Variants in KCNT1 observed in about 807,000 individuals in gnomAD.
The protein encoded by KCNT1 is potassium sodium-activated channel subfamily T member 1, also known as potassium channel subfamily T member 1.
KCNT1 carries 78 observed loss-of-function variants against 147.8 expected under a neutral mutation model. That is an observed-to-expected ratio of 0.53 (90% CI 0.44 to 0.64). The LOEUF (loss-of-function observed/expected upper bound fraction) is 0.64. KCNT1 is among the 30% of genes least tolerant of loss of function. KCNT1 has a pLI of 0.00. For synonymous variants in KCNT1, 867 were observed against 748.8 expected (o/e 1.16, Z -2.58); for missense variants, 1,419 against 1,750.3 (o/e 0.81, Z 3.38).
At chr9:135,763,950 C>T (rs149211297) in intron 11 of KCNT1, among the ~76,000 whole-genome samples, 1 of 152,302 alleles carries the variant, frequency 6.6e-6, no homozygotes, top group Non-Finnish European at 1.5e-5. Flanking sequence ...CCGCCAGCAC[C>T]ATCCGCGGGG....
chr9:135,778,668 G>A lies in KCNT1; in HGVS notation c.2595-20G>A. ...GAGTGGGCCGCATCCTCAGCCACGG[G>A]CCCTCGGTCCCGCCACCAGCCTGGA... On this transcript the variant is annotated intron_variant, in intron 22 of 30. Coordinates refer to ENST00000371757, the MANE Select transcript of KCNT1 (RefSeq NM_020822.3). The A allele has an allele frequency of 6.2e-7, 1 of 1,613,102 alleles. No individual in the cohort carries two copies. The highest frequency in any genetic ancestry group is 8.5e-7 in the Non-Finnish European group (1 of 1,179,636).
chr9:135,717,397 G>A (rs1338670346), intron 2 of KCNT1, among the ~76,000 whole-genome samples: 2 of 152,154 alleles, frequency 1.3e-5, no homozygotes, highest in Non-Finnish European at 2.9e-5. Context: ...GAGGAAGCTT[G>A]GGCCTGGTGG....
Position 135,758,400 on chromosome 9 carries a change from C to T in KCNT1, c.760-14C>T, listed in dbSNP as rs1020230968. 2.5e-6 allele frequency: 4 copies of T among 1,604,574 alleles called. No homozygotes were observed. The highest frequency in any genetic ancestry group is 2.6e-6 in the Non-Finnish European group (3 of 1,173,400). On this transcript the variant is annotated splice_polypyrimidine_tract_variant and intron_variant, in intron 9 of 30. Transcript: ENST00000371757. ...ACAGTCCCTGCCCGCTGACAGCCAC[C>T]ACTCCTTCCACAGAATGACTTCCAC... is the stretch of plus-strand genomic sequence containing the variant.
At chr9:135,785,365 G>C in intron 28 of KCNT1, 35 bp downstream of exon 28, 1 of 1,612,548 alleles carries the variant, frequency 6.2e-7, no homozygotes, top group South Asian at 1.1e-5. Context: ...CAGCTTCTGC[G>C]GAGCACCAGA....
At chr9:135,711,017 G>A (rs950099022) in intron 1 of KCNT1, among the ~76,000 whole-genome samples, 3 of 152,160 alleles carry the variant, frequency 2.0e-5, no homozygotes, top group Admixed American at 2.0e-4. Context: ...GTGCTCCTGG[G>A]TTGGCCGCCA....
chr9:135,726,202 G>A (rs1225564874), intron 2 of KCNT1, among the ~76,000 whole-genome samples: 2 of 152,100 alleles, frequency 1.3e-5, no homozygotes, highest in African/African-American at 2.4e-5. Context: ...GCTGGGGCAG[G>A]GGCAGCTGAG....
chr9:135,751,071 T>A, intron 4 of KCNT1, 30 bp downstream of exon 4: 1 of 1,585,732 alleles, frequency 6.3e-7, no homozygotes, highest in Non-Finnish European at 8.6e-7. Flanking sequence ...GGGCGCGGGG[T>A]CCCGGGTCCC....
rs150969453 is a variant in KCNT1 at position 135,730,811 on chromosome 9, C to A, written c.254+16091C>A. ...GACCAGCCTGGGCAACATGGCAAAA[C>A]CCTGTCTCTACAAAAAATACAAAAC... On this transcript the variant is annotated intron_variant, in intron 2 of 30. Transcript: ENST00000371757. The surrounding 1 kb of genome is among the most constrained non-coding windows in gnomAD (Gnocchi z 4.7). Among the ~76,000 whole-genome samples the A allele has an allele frequency of 4.3e-3, 658 of 151,960 alleles. 4 individuals carry two copies. Among genetic ancestry groups the A allele is most frequent in the African/African-American group, 0.015 (613 of 41,434 alleles).
intron 15 of KCNT1, among the ~76,000 whole-genome samples, chr9:135,769,215 C>A (rs1473976162): frequency 1.1e-4 from 15 of 133,082 alleles, no homozygotes; most frequent in African/African-American, 3.9e-4. Context: ...GCATCTGGGG[C>A]AGGGCACGTG....
At chr9:135,788,332 G>C (rs529243497) in intron 29 of KCNT1, among the ~76,000 whole-genome samples, 3 of 152,382 alleles carry the variant, frequency 2.0e-5, no homozygotes, top group African/African-American at 7.2e-5. Flanking sequence ...CATGCCGACA[G>C]AGTGTCCCCT....
rs2131571591 is a variant in KCNT1 at position 135,784,110 on chromosome 9, C to A, written c.2928C>A (p.Asp976Glu). The A allele has an allele frequency of 6.2e-7, 1 of 1,604,540 alleles. No homozygotes were observed. Among genetic ancestry groups the A allele is most frequent in the African/African-American group, 1.3e-5 (1 of 75,060 alleles). Residue 976 changes from aspartate to glutamate, a missense_variant, in exon 25 of 31, where the codon GAC (aspartate) becomes GAA (glutamate). Coordinates refer to ENST00000371757, the MANE Select transcript of KCNT1 (RefSeq NM_020822.3). Reference sequence around the variant, plus strand: ...GCGTCTTCAGCATCAGCATGTTGGACACACTGCTCTACCAGGTCAGCGGGG... The same window carrying A: ...GCGTCTTCAGCATCAGCATGTTGGAAACACTGCTCTACCAGGTCAGCGGGG... ...AGRVFSISML[D>E]TLLYQSFVKD...
At chr9:135,716,196 G>C (rs1459734732) in intron 2 of KCNT1, among the ~76,000 whole-genome samples, 3 of 152,160 alleles carry the variant, frequency 2.0e-5, no homozygotes, top group African/African-American at 7.2e-5. Context: ...GTTAATTCTT[G>C]AAAACGGCAG....
chr9:135,765,177 C>T lies in KCNT1; in HGVS notation c.1182C>T (p.Tyr394=), dbSNP rs372491855. The change falls in exon 12 of 31, where the codon TAC becomes TAT. Residue 394 remains tyrosine, a synonymous_variant. Coordinates refer to ENST00000371757, the MANE Select transcript of KCNT1 (RefSeq NM_020822.3). The stretch of plus-strand genomic sequence containing the variant: ...TCATGGACTTCCTGAACGAGTTCTA[C>T]GCCCACCCCCGGCTCCAGGTGAGGC... ...DLLMDFLNEF[Y]AHPRLQDYYV... is the part of the protein sequence containing the mutation. 222 of 1,612,366 alleles carry T rather than the reference C, an allele frequency of 1.4e-4. No individual in the cohort carries two copies. The East Asian group carries it at 2.4e-3, about 17-fold the overall frequency.
At position 135,765,514 on chromosome 9, in the gene KCNT1, G is replaced by A. The variant is rs1294091120; in HGVS notation, c.1201-110G>A. On this transcript the variant is annotated intron_variant, in intron 12 of 30. Transcript: ENST00000371757. ...CCCTCCCACCAGATGCAAGATCACA[G>A]TGAGCTCTAGGGCCCAGAGGTGGTG... The A allele has an allele frequency of 4.0e-6, 5 of 1,243,184 alleles. No individual in the cohort carries two copies. In the African/African-American group the frequency reaches 7.5e-5, roughly 19 times the overall value. 77.0% of individuals were successfully genotyped at this position (1,243,184 alleles called of 1,614,324 possible). A position where few individuals can be genotyped will look rare whatever the true frequency, so the allele number is the denominator to read the frequency against.
rs1199553929 is a variant in KCNT1, at chr9:135,793,811, G to A, written c.*1650G>A. On this transcript the variant is annotated 3_prime_UTR_variant, in exon 31 of 31. Transcript: ENST00000371757. The stretch of plus-strand genomic sequence containing the variant: ...AGGGAGAGGCTGTGTGGATTCAGGG[G>A]ACCAGAAAGTAAGTCCCAGGACCTT... 6.6e-6 allele frequency: 1 copy of A among 152,630 alleles called. No homozygotes were observed. Among genetic ancestry groups the A allele is most frequent in the African/African-American group, 2.4e-5 (1 of 41,448 alleles). The allele number at this position is 152,630 out of a possible 1,614,324, so 9.5% of individuals were successfully genotyped here.
intron 2 of KCNT1, among the ~76,000 whole-genome samples, chr9:135,725,760 G>A (rs944247721): frequency 1.2e-4 from 18 of 152,228 alleles, no homozygotes; most frequent in African/African-American, 3.1e-4. Flanking sequence ...ACCCTCAGCC[G>A]GGTCCAGGCG....
intron 24 of KCNT1, among the ~76,000 whole-genome samples, 174 bp downstream of exon 24, chr9:135,779,644 G>A (rs1185337866): frequency 6.6e-6 from 1 of 152,228 alleles, no homozygotes; most frequent in Non-Finnish European, 1.5e-5. Flanking sequence ...GCTCTTGATG[G>A]TGGAACCAGG....
At chr9:135,768,019 G>GCCCCCA (rs1338446198) in intron 13 of KCNT1, among the ~76,000 whole-genome samples, 2 of 148,716 alleles carry the variant, frequency 1.3e-5, no homozygotes, top group African/African-American at 4.9e-5. Flanking sequence ...CCTGACCCCT[G>GCCCCCA]CCCCCACCCG....
intron 7 of KCNT1, 59 bp downstream of exon 7, chr9:135,756,991 AGCCTCCCCC>A: frequency 1.4e-6 from 1 of 725,776 alleles, no homozygotes; most frequent in Non-Finnish European, 2.1e-6. Context: ...CACCCTCCCC[AGCCTCCCCC>A]ACCTCCCCCA....
Sources: gnomAD v4.1 joint callset for allele counts (sites outside exome capture counted in the v4.1 genomes callset) on GRCh38, gnomAD v4.1.1 for gene constraint, Gnocchi (gnomAD v3.1) non-coding constraint, MANE v1.5 for transcripts, NCBI Gene and HGNC (gene_info 2026-07-23, HGNC 2026-07-21) for gene names.